DOK6: variants seen among roughly 807,000 people sequenced by gnomAD.
The protein encoded by DOK6 is docking protein 6.
DOK6 carries 22 observed loss-of-function variants against 44.0 expected under a neutral mutation model. The ratio of observed to expected loss-of-function variants is 0.50; its 90% CI spans 0.36 to 0.71. The LOEUF (loss-of-function observed/expected upper bound fraction) is 0.71, where lower values mean the gene tolerates loss of function less well. Ranked by LOEUF, DOK6 falls within the 30% of genes least tolerant of loss-of-function variation. DOK6 has a pLI of 0.00. For missense variants in DOK6, 340 were observed against 416.4 expected (o/e 0.82, Z 1.60); for synonymous variants, 166 against 145.5 (o/e 1.14, Z -1.01).
At chr18:69,535,484 G>A (rs1982097392) in intron 1 of DOK6, among the ~76,000 whole-genome samples, 1 of 151,588 alleles carries the variant, frequency 6.6e-6, no homozygotes, top group Non-Finnish European at 1.5e-5. Flanking sequence ...GGTTTGGGGT[G>A]TTTTAAAAAA....
chr18:69,757,889 G>C lies in DOK6; in HGVS notation c.856+16G>C, dbSNP rs1335023707. On this transcript the variant is annotated intron_variant, in intron 7 of 7. Transcript: ENST00000382713. The stretch of plus-strand genomic sequence containing the variant: ...AGTTTGCAAGGCAAGTCACTTTAAT[G>C]TAAGAAAGCAGTGCCTCCATAAGCT... 2 of 1,606,608 alleles carry C rather than the reference G, an allele frequency of 1.2e-6. No homozygotes were observed. The highest frequency in any genetic ancestry group is 1.7e-6 in the Non-Finnish European group (2 of 1,173,334).
At chr18:69,773,000 A>G (rs1248821493) in intron 7 of DOK6, among the ~76,000 whole-genome samples, 1 of 152,016 alleles carries the variant, frequency 6.6e-6, no homozygotes, top group African/African-American at 2.4e-5. Context: ...ATAGCAAAAA[A>G]CACCTACACT....
intron 1 of DOK6, among the ~76,000 whole-genome samples, chr18:69,482,599 T>A (rs1980459583): frequency 6.6e-6 from 1 of 151,990 alleles, no homozygotes; most frequent in South Asian, 2.1e-4. Context: ...TGAGATTATA[T>A]AGTAAAATTG....
intron 7 of DOK6, among the ~76,000 whole-genome samples, chr18:69,830,470 G>T (rs980355311): frequency 2.0e-5 from 3 of 152,174 alleles, no homozygotes; most frequent in Admixed American, 6.5e-5. Context: ...AGGAAAGGCC[G>T]TGTGAGGACA....
chr18:69,448,103 C>A (rs57817120), intron 1 of DOK6, among the ~76,000 whole-genome samples: 1 of 152,172 alleles, frequency 6.6e-6, no homozygotes, highest in South Asian at 2.1e-4. Context: ...CTGTCTTTAT[C>A]GCCATCACTC....
intron 3 of DOK6, among the ~76,000 whole-genome samples, chr18:69,643,358 CA>C (rs1279233946): frequency 6.6e-6 from 1 of 152,158 alleles, no homozygotes. Flanking sequence ...ACAACACAGC[CA>C]AGATACTGAA....
At chr18:69,544,903 G>T (rs927094962) in intron 1 of DOK6, among the ~76,000 whole-genome samples, 2 of 151,348 alleles carry the variant, frequency 1.3e-5, no homozygotes, top group African/African-American at 4.8e-5. Flanking sequence ...GGCTGAGGCG[G>T]GCGGATCACT....
intron 4 of DOK6, among the ~76,000 whole-genome samples, chr18:69,682,131 C>T (rs1440248524): frequency 6.6e-5 from 10 of 152,198 alleles, no homozygotes; most frequent in Admixed American, 6.5e-4. Flanking sequence ...CTATGGTAAA[C>T]ATGCTTCCTA....
chr18:69,756,371 T>C (rs1979355375), intron 6 of DOK6, among the ~76,000 whole-genome samples: 1 of 151,936 alleles, frequency 6.6e-6, no homozygotes, highest in South Asian at 2.1e-4. Flanking sequence ...AACTTTGAAG[T>C]CTACCAAATT....
chr18:69,792,573 T>A (rs887253178), intron 7 of DOK6, among the ~76,000 whole-genome samples: 1 of 152,124 alleles, frequency 6.6e-6, no homozygotes. Context: ...TCAATTTTAA[T>A]AGTTTTTTGG....
intron 2 of DOK6, among the ~76,000 whole-genome samples, chr18:69,596,087 T>A (rs1487949410): frequency 6.6e-6 from 1 of 152,170 alleles, no homozygotes; most frequent in African/African-American, 2.4e-5. Context: ...ATGAGAGATA[T>A]AAGCTAAACT....
At chr18:69,721,858 G>T (rs996032480) in intron 5 of DOK6, among the ~76,000 whole-genome samples, 1 of 152,158 alleles carries the variant, frequency 6.6e-6, no homozygotes, top group Non-Finnish European at 1.5e-5. Context: ...TTTTTAAATA[G>T]AATGAAGCTA....
At chr18:69,575,836 T>C (rs1052801152) in intron 2 of DOK6, among the ~76,000 whole-genome samples, 5 of 152,098 alleles carry the variant, frequency 3.3e-5, no homozygotes, top group African/African-American at 9.7e-5. Context: ...TTGGAGGCCA[T>C]GGGTGTTTCC....
At chr18:69,461,059 T>G (rs1005351553) in intron 1 of DOK6, among the ~76,000 whole-genome samples, 2 of 152,214 alleles carry the variant, frequency 1.3e-5, no homozygotes, top group Non-Finnish European at 2.9e-5. Flanking sequence ...TGAATATTTG[T>G]GGAATGGCAC....
intron 5 of DOK6, among the ~76,000 whole-genome samples, chr18:69,715,261 T>C (rs1218535187): frequency 6.6e-6 from 1 of 152,150 alleles, no homozygotes; most frequent in Admixed American, 6.5e-5. Flanking sequence ...GACACTTAAT[T>C]TAGAATTAAG....
intron 1 of DOK6, among the ~76,000 whole-genome samples, chr18:69,461,888 T>G (rs1979797826): frequency 6.6e-6 from 1 of 152,198 alleles, no homozygotes; most frequent in South Asian, 2.1e-4. Context: ...AAACTCCAGT[T>G]TGTCTTGTCT....
At chr18:69,548,864 C>T (rs1225555427) in intron 1 of DOK6, among the ~76,000 whole-genome samples, 3 of 151,336 alleles carry the variant, frequency 2.0e-5, no homozygotes, top group Non-Finnish European at 4.4e-5. Context: ...GAGGCCGAGG[C>T]GGGCGGATCA....
At chr18:69,693,312 GAAA>G (rs10554189) in intron 4 of DOK6, among the ~76,000 whole-genome samples, 3,172 of 126,124 alleles carry the variant, frequency 0.025, 105 homozygotes, top group African/African-American at 0.087. Context: ...CTTCTTTGAA[GAAA>G]AAAAAAAAAA....
intron 1 of DOK6, among the ~76,000 whole-genome samples, chr18:69,515,547 G>T (rs1409378543): frequency 1.3e-5 from 2 of 152,144 alleles, no homozygotes; most frequent in African/African-American, 4.8e-5. Flanking sequence ...AAACATAAAA[G>T]CTATTTTTAA....
Sources: allele counts gnomAD v4.1 joint callset (sites outside exome capture counted in the v4.1 genomes callset), GRCh38; gene constraint gnomAD v4.1.1; transcripts MANE v1.5; gene names NCBI Gene and HGNC (gene_info 2026-07-23, HGNC 2026-07-21).